The following GSAP variants were observed in gnomAD, a reference collection of about 807,000 sequenced individuals.
GSAP encodes the protein gamma-secretase activating protein.
In GSAP, 118 loss-of-function variants were observed where a neutral mutation model predicts 131.7. The observed-to-expected ratio is 0.90, with a 90% CI of 0.77 to 1.04. The LOEUF (loss-of-function observed/expected upper bound fraction) is 1.04. Among genes scored for constraint, GSAP ranks in the 50% least tolerant of loss-of-function variants. The pLI is 0.00. For synonymous variants in GSAP, 381 were observed against 363.4 expected (o/e 1.05, Z -0.55); for missense variants, 1,019 against 1,013.2 (o/e 1.01, Z -0.08).
intron 12 of GSAP, among the ~76,000 whole-genome samples, chr7:77,366,407 T>A (rs905775397): frequency 6.6e-6 from 1 of 152,202 alleles, no homozygotes; most frequent in African/African-American, 2.4e-5. Flanking sequence ...TGAGTTGATT[T>A]TTGTCTATGT....
Position 77,311,912 on chromosome 7 carries a change from G to A in GSAP, c.2402C>T (p.Ser801Leu), listed in dbSNP as rs1296449406. 4.4e-6 allele frequency: 7 copies of A among 1,598,864 alleles called. No individual in the cohort carries two copies. Among genetic ancestry groups the A allele is most frequent in the South Asian group, 2.2e-5 (2 of 90,772 alleles). ...CAGAGGCAGAAATTCTACACTGAAC[G>A]ATGACTTGTTAATCATAGAATTCCG... is the stretch of plus-strand genomic sequence containing the variant. Reference protein sequence around the residue: ...QPRNSMINKSSFSVEFLPLNY... With the variant: ...QPRNSMINKSLFSVEFLPLNY... Residue 801 changes from serine (S) to leucine (L), a missense_variant, in exon 30 of 31, where the codon TCG becomes TTG. By Grantham distance (145) the Ser-to-Leu change is moderately radical. Coordinates refer to ENST00000257626, the MANE Select transcript of GSAP (RefSeq NM_017439.4).
intron 1 of GSAP, among the ~76,000 whole-genome samples, chr7:77,412,316 A>G (rs1306620368): frequency 6.6e-6 from 1 of 152,240 alleles, no homozygotes; most frequent in Non-Finnish European, 1.5e-5. Context: ...ACAATTAGCT[A>G]TTAATTTTTT....
chr7:77,385,451 T>C (rs1374631095), intron 6 of GSAP, among the ~76,000 whole-genome samples: 2 of 152,226 alleles, frequency 1.3e-5, no homozygotes, highest in African/African-American at 4.8e-5. Flanking sequence ...CCACTTGCTT[T>C]TAAAAACTTT....
chr7:77,335,451 T>C (rs1197512082), intron 19 of GSAP, among the ~76,000 whole-genome samples: 1 of 152,084 alleles, frequency 6.6e-6, no homozygotes, highest in East Asian at 1.9e-4. Context: ...TTAGAAGCAA[T>C]CACATCCTCA....
intron 12 of GSAP, among the ~76,000 whole-genome samples, chr7:77,365,328 C>T (rs1795124042): frequency 6.6e-6 from 1 of 152,010 alleles, no homozygotes; most frequent in Non-Finnish European, 1.5e-5. Flanking sequence ...ATAATTTCAT[C>T]ACCCAGCTAT....
At chr7:77,415,117 C>T (rs76559837) in intron 1 of GSAP, among the ~76,000 whole-genome samples, 1,560 of 152,232 alleles carry the variant, frequency 0.01, 33 homozygotes, top group African/African-American at 0.035. Context: ...TCAATGCATA[C>T]GCTACACAAA....
At chr7:77,366,103 AAATTT>A (rs913194770) in intron 12 of GSAP, among the ~76,000 whole-genome samples, 4 of 151,686 alleles carry the variant, frequency 2.6e-5, no homozygotes, top group African/African-American at 4.8e-5. Flanking sequence ...TTTGTCTTAT[AAATTT>A]AAGTACCTTG....
Position 77,375,486 on chromosome 7 carries a change from A to G in GSAP, c.742-385T>C, listed in dbSNP as rs144862729. On this transcript the variant is annotated intron_variant, in intron 10 of 30. Transcript: ENST00000257626. The stretch of plus-strand genomic sequence containing the variant: ...TGTCTTTAGAAGGAGAGCAGAGGGC[A>G]GGAGGGGTAAGTGCAATTCTTGCAA... 1.2e-3 allele frequency among the ~76,000 whole-genome samples: 176 copies of G among 152,358 alleles called. 4 individuals carry two copies. The East Asian group carries it at 0.029, about 25-fold the overall frequency.
chr7:77,415,294 G>A (rs1331042929), intron 1 of GSAP, among the ~76,000 whole-genome samples: 2 of 152,196 alleles, frequency 1.3e-5, no homozygotes, highest in African/African-American at 2.4e-5. Context: ...GTAGATGTGG[G>A]TCATTTAATA....
intron 12 of GSAP, among the ~76,000 whole-genome samples, chr7:77,373,112 C>A (rs905722233): frequency 4.6e-5 from 7 of 152,134 alleles, no homozygotes; most frequent in Non-Finnish European, 8.8e-5. Flanking sequence ...ACTGGCTGAA[C>A]TAGAACATGG....
intron 30 of GSAP, 44 bp downstream of exon 30, chr7:77,311,797 C>A (rs935931962): frequency 1.1e-6 from 1 of 934,618 alleles, no homozygotes; most frequent in Non-Finnish European, 1.8e-6. Flanking sequence ...ACTGATGTGT[C>A]AAGGGAAAAG....
intron 19 of GSAP, among the ~76,000 whole-genome samples, chr7:77,345,498 G>A (rs1014768628): frequency 7.9e-5 from 12 of 152,302 alleles, no homozygotes; most frequent in African/African-American, 2.9e-4. Context: ...CCTGTGACCT[G>A]CACGTATACA....
intron 3 of GSAP, among the ~76,000 whole-genome samples, chr7:77,398,256 C>T (rs999438221): frequency 6.6e-6 from 1 of 152,092 alleles, no homozygotes; most frequent in African/African-American, 2.4e-5. Context: ...AAAAAAGTAT[C>T]GAAAACACAC....
At chr7:77,315,409 G>C (rs1031540332) in intron 26 of GSAP, 2 of 152,184 alleles carry the variant, frequency 1.3e-5, no homozygotes, top group Admixed American at 1.3e-4. Context: ...AGCCAGGTCT[G>C]TGAAGAGCCT....
intron 19 of GSAP, among the ~76,000 whole-genome samples, chr7:77,331,397 TG>T (rs1789137167): frequency 6.6e-6 from 1 of 152,230 alleles, no homozygotes; most frequent in Admixed American, 6.5e-5. Flanking sequence ...GGATACTTTT[TG>T]CCAAAATATG....
chr7:77,353,588 A>G lies in GSAP; in HGVS notation c.1392T>C (p.Ile464=). ...AACACTTACCAATTATAAATTCCTG[A>G]ATGAGGTCAAATGAATGGCAGGCAG... ...NVSACHSFDL[I]QEFIIASSYW... Residue 464 remains isoleucine (I), a synonymous_variant, in exon 17 of 31, where the codon ATT becomes ATC. Transcript: ENST00000257626. The G allele has an allele frequency of 6.2e-7, 1 of 1,609,308 alleles. No homozygotes were observed. The highest frequency in any genetic ancestry group is 8.5e-7 in the Non-Finnish European group (1 of 1,176,292).
intron 6 of GSAP, among the ~76,000 whole-genome samples, chr7:77,383,318 TCA>T (rs10539947): frequency 0.51 from 76,954 of 150,066 alleles, 19,742 homozygotes; most frequent in Middle Eastern, 0.54. Flanking sequence ...ATGTTCTATT[TCA>T]CACACACACA....
At chr7:77,408,452 A>G (rs748517948) in intron 1 of GSAP, among the ~76,000 whole-genome samples, 20 of 152,104 alleles carry the variant, frequency 1.3e-4, no homozygotes, top group Non-Finnish European at 1.9e-4. Flanking sequence ...TAATCCCAGC[A>G]CTTTGGAAGG....
chr7:77,377,047 T>C (rs908797247), intron 9 of GSAP, 140 bp from the exon 10 acceptor site: 2 of 668,746 alleles, frequency 3.0e-6, no homozygotes, highest in African/African-American at 1.9e-5. Flanking sequence ...CAAAATCAAA[T>C]TGTTCTTATA....
Sources: allele counts gnomAD v4.1 joint callset (sites outside exome capture counted in the v4.1 genomes callset), GRCh38; gene constraint gnomAD v4.1.1; transcripts MANE v1.5; gene names NCBI Gene and HGNC (gene_info 2026-07-23, HGNC 2026-07-21).